The following DIP2C variants were observed in gnomAD, a reference collection of about 807,000 sequenced individuals.
The protein encoded by DIP2C is disco-interacting protein 2 homolog C.
Under a neutral mutation model 192.4 loss-of-function variants are expected in DIP2C, and 33 were observed. The ratio of observed to expected loss-of-function variants is 0.17; its 90% confidence interval spans 0.13 to 0.23. The LOEUF (loss-of-function observed/expected upper bound fraction) is 0.23. DIP2C is among the 10% of genes least tolerant of loss of function. The pLI, the probability that DIP2C is intolerant of heterozygous loss-of-function variation, is 1.00. For missense variants in DIP2C, 1,537 were observed against 2,110.1 expected (o/e 0.73, Z 5.32); for synonymous variants, 979 against 864.1 (o/e 1.13, Z -2.33).
intron 10 of DIP2C, among the ~76,000 whole-genome samples, chr10:395,888 C>A (rs985986284): frequency 3.3e-5 from 5 of 152,178 alleles, no homozygotes; most frequent in African/African-American, 9.7e-5. Context: ...GAAGTCCTGG[C>A]CTCCTGAAAT....
intron 3 of DIP2C, among the ~76,000 whole-genome samples, chr10:452,110 G>A (rs1325704164): frequency 6.6e-6 from 1 of 152,154 alleles, no homozygotes; most frequent in East Asian, 1.9e-4. Flanking sequence ...GAAGCATGGG[G>A]ACCACAAAGA....
At chr10:392,547 T>C (rs1963551193) in intron 10 of DIP2C, among the ~76,000 whole-genome samples, 1 of 152,194 alleles carries the variant, frequency 6.6e-6, no homozygotes, top group South Asian at 2.1e-4. Flanking sequence ...CTGCTGCTCC[T>C]CCGCACGTGT....
intron 17 of DIP2C, among the ~76,000 whole-genome samples, chr10:382,381 C>T (rs756151248): frequency 5.9e-5 from 9 of 152,130 alleles, no homozygotes; most frequent in Non-Finnish European, 1.2e-4. Context: ...CACGGTATTA[C>T]GATTCCATGC....
intron 1 of DIP2C, among the ~76,000 whole-genome samples, chr10:548,703 T>TC (rs1204358702): frequency 2.0e-5 from 3 of 150,276 alleles, no homozygotes; most frequent in Non-Finnish European, 4.4e-5. Context: ...ACAAGAGGGG[T>TC]CTCCAGGCCT....
chr10:336,813 T>C (rs924898670), intron 29 of DIP2C, among the ~76,000 whole-genome samples: 2 of 152,088 alleles, frequency 1.3e-5, no homozygotes, highest in African/African-American at 2.4e-5. Flanking sequence ...ACCCTGGCCC[T>C]GTGGAGGCCT....
chr10:649,905 G>A (rs569323336), intron 1 of DIP2C: 15 of 575,618 alleles, frequency 2.6e-5, no homozygotes, highest in Admixed American at 1.3e-4. Context: ...GGGGGTGCCC[G>A]TCACCTGCGT....
chr10:292,471 TAG>T (rs1398806787), intron 32 of DIP2C, among the ~76,000 whole-genome samples: 2 of 152,332 alleles, frequency 1.3e-5, no homozygotes, highest in South Asian at 2.1e-4. Context: ...AAAGCAGAGA[TAG>T]AGAGTTGACA....
In DIP2C at chr10:344,930, C is replaced by T; in HGVS notation, c.3344-12G>A. 6.2e-7 allele frequency: 1 copy of T among 1,603,970 alleles called. No individual in the cohort carries two copies. The highest frequency in any genetic ancestry group is 8.5e-7 in the Non-Finnish European group (1 of 1,175,970). On this transcript the variant is annotated splice_polypyrimidine_tract_variant and intron_variant, in intron 27 of 36. Transcript: ENST00000280886. ...CTTTGGCAAATCATCTGGAGAGGAA[C>T]ATGACTATCAGCAGATCCAGCCTGA...
Position 580,553 on chromosome 10 carries a change from C to T in DIP2C, c.86-94023G>A, listed in dbSNP as rs924546537. Among the ~76,000 whole-genome samples the T allele has an allele frequency of 3.3e-5, 5 of 152,076 alleles. 1 individual carries two copies. Among genetic ancestry groups the T allele is most frequent in the Admixed American group, 3.3e-4 (5 of 15,282 alleles). ...TACACATGTACATGCATGCCCATAGCATGCACACATGTAGGACACATGTAG... is the reference window on the plus strand; with the variant it reads ...TACACATGTACATGCATGCCCATAGTATGCACACATGTAGGACACATGTAG... On this transcript the variant is annotated intron_variant, in intron 1 of 36. Coordinates refer to ENST00000280886, the MANE Select transcript of DIP2C (RefSeq NM_014974.3).
At chr10:663,942 T>C (rs1856920657) in intron 1 of DIP2C, 2 of 151,398 alleles carry the variant, frequency 1.3e-5, no homozygotes, top group African/African-American at 4.9e-5. Flanking sequence ...CACCAGAGGG[T>C]GGGAGGCAGG....
At chr10:634,402 T>C (rs761384462) in intron 1 of DIP2C, among the ~76,000 whole-genome samples, 6 of 152,034 alleles carry the variant, frequency 3.9e-5, no homozygotes, top group Admixed American at 1.3e-4. Flanking sequence ...CAGCTCAGAG[T>C]TGGAAGTAGC....
intron 20 of DIP2C, among the ~76,000 whole-genome samples, chr10:364,033 T>C (rs1004625323): frequency 1.3e-5 from 2 of 152,164 alleles, no homozygotes; most frequent in Non-Finnish European, 2.9e-5. Context: ...GACTGAACCA[T>C]TGTCCTTGGG....
intron 1 of DIP2C, among the ~76,000 whole-genome samples, chr10:581,517 AAAAAG>A (rs1353688542): frequency 6.6e-6 from 1 of 152,218 alleles, no homozygotes; most frequent in East Asian, 1.9e-4. Flanking sequence ...AAGCCTCTAG[AAAAAG>A]AAAAGATACA....
intron 2 of DIP2C, among the ~76,000 whole-genome samples, chr10:476,611 T>C (rs1843051696): frequency 6.6e-6 from 1 of 152,138 alleles, no homozygotes; most frequent in South Asian, 2.1e-4. Context: ...TGTCTGAACA[T>C]TCTCCCGTGA....
intron 26 of DIP2C, 149 bp downstream of exon 26, chr10:348,492 G>T: frequency 7.9e-7 from 1 of 1,264,482 alleles, no homozygotes; most frequent in Non-Finnish European, 1.1e-6. Context: ...GCTCCCTGCA[G>T]GTAGAGACCC....
intron 1 of DIP2C, among the ~76,000 whole-genome samples, chr10:609,230 T>C (rs1333655794): frequency 6.6e-6 from 1 of 152,132 alleles, no homozygotes. Flanking sequence ...TCTGCTCTCC[T>C]TACAGGAACT....
chr10:584,955 G>A (rs1180312821), intron 1 of DIP2C, among the ~76,000 whole-genome samples: 2 of 130,520 alleles, frequency 1.5e-5, no homozygotes, highest in Non-Finnish European at 3.2e-5. Context: ...CAATCTCGGG[G>A]CCCGCGACCT....
chr10:553,302 C>G (rs1158867723), intron 1 of DIP2C, among the ~76,000 whole-genome samples: 1 of 152,192 alleles, frequency 6.6e-6, no homozygotes, highest in Non-Finnish European at 1.5e-5. Flanking sequence ...CAGAAATCAG[C>G]TGGGAAGCAG....
chr10:452,804 C>T (rs777167884), intron 3 of DIP2C, among the ~76,000 whole-genome samples: 1 of 152,180 alleles, frequency 6.6e-6, no homozygotes, highest in South Asian at 2.1e-4. Flanking sequence ...TGTCCACTGG[C>T]CAGTGGCCCA....
Sources: gnomAD v4.1 joint callset for allele counts (sites outside exome capture counted in the v4.1 genomes callset) on GRCh38, gnomAD v4.1.1 for gene constraint, MANE v1.5 for transcripts, NCBI Gene and HGNC (gene_info 2026-07-23, HGNC 2026-07-21) for gene names.